Variants in BLTP1 observed in about 807,000 individuals in gnomAD.
BLTP1 encodes fragile site-associated protein.
the BLTP1 span, among the ~76,000 whole-genome samples, chr4:122,163,030 G>A: frequency 2.6e-5 from 4 of 152,234 alleles, no homozygotes; most frequent in East Asian, 5.8e-4. Flanking sequence ...TGGTTTCATG[G>A]TCTCTTCTAA....
At chr4:122,305,237 ATTT>A in the BLTP1 span, 3 of 977,848 alleles carry the variant, frequency 3.1e-6, no homozygotes, top group Non-Finnish European at 3.6e-6. Flanking sequence ...TTTGCTTGTA[ATTT>A]TTTTTATTTT....
chr4:122,354,153 C>T, the BLTP1 span: 1 of 744,312 alleles, frequency 1.3e-6, no homozygotes, highest in Admixed American at 2.8e-5. Flanking sequence ...CTGGCTGACA[C>T]AAGTAATAAT....
chr4:122,218,447 C>A, the BLTP1 span, among the ~76,000 whole-genome samples: 1 of 152,100 alleles, frequency 6.6e-6, no homozygotes, highest in Non-Finnish European at 1.5e-5. Flanking sequence ...AAATATTAAT[C>A]CCCCTACCAA....
chr4:122,259,069 T>C, the BLTP1 span, among the ~76,000 whole-genome samples: 1 of 152,216 alleles, frequency 6.6e-6, no homozygotes, highest in African/African-American at 2.4e-5. Flanking sequence ...TAGAGCTGTC[T>C]CCAGTTTATT....
chr4:122,283,658 C>T, the BLTP1 span, among the ~76,000 whole-genome samples: 1 of 152,152 alleles, frequency 6.6e-6, no homozygotes, highest in African/African-American at 2.4e-5. Flanking sequence ...AGGCATGCAC[C>T]ACCACATCTG....
chr4:122,227,089 A>G, the BLTP1 span: 1 of 569,620 alleles, frequency 1.8e-6, no homozygotes, highest in Non-Finnish European at 2.4e-6. Flanking sequence ...TTTTACTGTT[A>G]ACATTCATGT....
the BLTP1 span, among the ~76,000 whole-genome samples, chr4:122,243,635 G>C: frequency 1.3e-5 from 2 of 151,974 alleles, no homozygotes; most frequent in Admixed American, 6.6e-5. Context: ...TGTAATCCCA[G>C]CTACTTGGGA....
the BLTP1 span, chr4:122,247,453 C>A: frequency 7.3e-7 from 1 of 1,377,562 alleles, no homozygotes; most frequent in Non-Finnish European, 1.0e-6. Context: ...ACTATTGCTA[C>A]AATTCGGTAT....
chr4:122,232,101 C>G, the BLTP1 span: 17 of 985,314 alleles, frequency 1.7e-5, no homozygotes, highest in Non-Finnish European at 2.0e-5. Flanking sequence ...TCGAGTTGCT[C>G]CAAGTAGCTC....
the BLTP1 span, chr4:122,318,012 A>C: frequency 1.2e-6 from 1 of 854,880 alleles, no homozygotes. Flanking sequence ...ATGAGTGTTA[A>C]GCTTATTGAG....
At chr4:122,314,287 A>T in the BLTP1 span, among the ~76,000 whole-genome samples, 5 of 151,872 alleles carry the variant, frequency 3.3e-5, no homozygotes, top group Admixed American at 2.6e-4. Flanking sequence ...GAGTTATATA[A>T]AAAAAAAGAT....
the BLTP1 span, chr4:122,348,424 A>G: frequency 1.4e-6 from 1 of 690,106 alleles, no homozygotes; most frequent in African/African-American, 1.8e-5. Flanking sequence ...TTTAGAGGCA[A>G]TAGGATAACC....
chr4:122,250,447 A>G, the BLTP1 span: 8 of 1,613,896 alleles, frequency 5.0e-6, no homozygotes, highest in Non-Finnish European at 6.8e-6. Context: ...GAGTGCTGAC[A>G]TCCAATAATT....
chr4:122,185,982 C>A, the BLTP1 span: 1 of 1,362,598 alleles, frequency 7.3e-7, no homozygotes, highest in South Asian at 1.5e-5. Context: ...TGAGTAAAAA[C>A]TTTGAAGTTC....
chr4:122,156,053 T>C, the BLTP1 span: 65 of 754,922 alleles, frequency 8.6e-5, no homozygotes, highest in African/African-American at 1.1e-3. Context: ...GAGTAGATTC[T>C]GGGGCCATTT....
chr4:122,246,943 A>C, the BLTP1 span: 1 of 1,417,108 alleles, frequency 7.1e-7, no homozygotes, highest in East Asian at 2.5e-5. Context: ...TGGAATTTCA[A>C]ATCTTAATTT....
chr4:122,208,993 A>G, the BLTP1 span: 1 of 613,086 alleles, frequency 1.6e-6, no homozygotes, highest in Admixed American at 6.3e-5. Flanking sequence ...ATTAAAAAAA[A>G]AAAAAAAAAA....
chr4:122,362,250 A>G, the BLTP1 span: 6 of 1,608,904 alleles, frequency 3.7e-6, no homozygotes, highest in South Asian at 6.6e-5. Context: ...AACACTAAAA[A>G]AGTAATTTGA....
chr4:122,243,063 T>C, the BLTP1 span: 1 of 1,612,420 alleles, frequency 6.2e-7, no homozygotes, highest in Non-Finnish European at 8.5e-7. Context: ...CAGGATCAAC[T>C]TCAAAGTAAG....
Sources: allele counts gnomAD v4.1 joint callset (sites outside exome capture counted in the v4.1 genomes callset), GRCh38; gene constraint gnomAD v4.1.1; transcripts MANE v1.5; gene names NCBI Gene and HGNC (gene_info 2026-07-23, HGNC 2026-07-21).